LIMS1: variants seen among roughly 807,000 people sequenced by gnomAD.
LIMS1 encodes the protein LIM zinc finger domain containing 1, also known as LIM and senescent cell antigen-like-containing domain protein 1.
Under a neutral mutation model 44.1 loss-of-function variants are expected in LIMS1, and 18 were observed. That is an observed-to-expected ratio of 0.41 (90% CI 0.28 to 0.61). LIMS1 has a LOEUF of 0.61. Ranked by LOEUF, LIMS1 falls within the 20% of genes least tolerant of loss-of-function variation. The probability of loss-of-function intolerance (pLI) is 0.32; values close to 1 mark genes in which losing one functional copy is unlikely to be tolerated. For missense variants in LIMS1, 201 were observed against 422.0 expected (o/e 0.48, Z 4.59); for synonymous variants, 93 against 149.1 (o/e 0.62, Z 2.74).
intron 1 of LIMS1, among the ~76,000 whole-genome samples, chr2:108,551,138 A>G (rs1222028066): frequency 6.6e-6 from 1 of 151,978 alleles, no homozygotes; most frequent in Non-Finnish European, 1.5e-5. Flanking sequence ...AGAAACAAAA[A>G]CAAACTCACA....
chr2:108,572,143 G>C (rs998295486), intron 1 of LIMS1, among the ~76,000 whole-genome samples: 1 of 151,874 alleles, frequency 6.6e-6, no homozygotes, highest in Admixed American at 6.6e-5. Flanking sequence ...GAGGGACTGG[G>C]CTTTTTTTTT....
At chr2:108,634,464 C>T (rs1689101846) in intron 1 of LIMS1, among the ~76,000 whole-genome samples, 1 of 152,208 alleles carries the variant, frequency 6.6e-6, no homozygotes, top group Non-Finnish European at 1.5e-5. Flanking sequence ...TCAATCCCCT[C>T]AGAAAACAAA....
chr2:108,563,801 G>A (rs1478135838), intron 1 of LIMS1, among the ~76,000 whole-genome samples: 2 of 152,184 alleles, frequency 1.3e-5, no homozygotes, highest in East Asian at 3.8e-4. Flanking sequence ...GCTCATGCCT[G>A]TAAATCCAGC....
chr2:108,585,074 G>A (rs557442036), intron 1 of LIMS1, among the ~76,000 whole-genome samples: 4 of 147,566 alleles, frequency 2.7e-5, no homozygotes, highest in South Asian at 2.2e-4. Context: ...TGACTTGAAC[G>A]TAGGAAGTGG....
chr2:108,617,965 C>T (rs988575072), intron 1 of LIMS1, among the ~76,000 whole-genome samples: 8 of 152,198 alleles, frequency 5.3e-5, no homozygotes, highest in African/African-American at 1.7e-4. Flanking sequence ...ATGTCTTATT[C>T]CCAGTTTTTG....
intron 1 of LIMS1, among the ~76,000 whole-genome samples, chr2:108,602,231 A>G (rs1472233266): frequency 6.6e-6 from 1 of 152,224 alleles, no homozygotes. Context: ...ATATAAAATC[A>G]TATCATCTGC....
intron 1 of LIMS1, among the ~76,000 whole-genome samples, chr2:108,645,527 C>T (rs554855655): frequency 9.2e-5 from 14 of 152,236 alleles, no homozygotes; most frequent in African/African-American, 2.4e-4. Flanking sequence ...CGGTACGAGC[C>T]ACTGCAAAAA....
chr2:108,589,106 G>A (rs1686246585), intron 1 of LIMS1, among the ~76,000 whole-genome samples: 1 of 151,598 alleles, frequency 6.6e-6, no homozygotes, highest in Non-Finnish European at 1.5e-5. Flanking sequence ...GTGAACTTTT[G>A]TCCTGTCATG....
At chr2:108,570,776 G>A (rs892774536) in intron 1 of LIMS1, among the ~76,000 whole-genome samples, 15 of 152,246 alleles carry the variant, frequency 9.9e-5, no homozygotes, top group African/African-American at 7.2e-5. Context: ...TGTGAGCAGC[G>A]ACCTTGAGGA....
intron 2 of LIMS1, among the ~76,000 whole-genome samples, chr2:108,664,380 G>A (rs1194135884): frequency 1.3e-5 from 2 of 152,200 alleles, no homozygotes; most frequent in Non-Finnish European, 2.9e-5. Flanking sequence ...ACTTAAAACA[G>A]TTAGAGCCAT....
rs918843560 is a variant in LIMS1 at position 108,566,638 on chromosome 2, C to A, written c.32+32044C>A. The stretch of plus-strand genomic sequence containing the variant: ...TGAGATGGAGTTTCGCTCTTGTCAC[C>A]CAGGCTGGAGTGCAGTGGCATGATC... On this transcript the variant is annotated intron_variant, in intron 1 of 9. Transcript: ENST00000544547. Among the ~76,000 whole-genome samples the A allele has an allele frequency of 1.3e-4, 20 of 152,126 alleles. 1 individual carries two copies. The highest frequency in any genetic ancestry group is 4.6e-4 in the African/African-American group (19 of 41,498).
At chr2:108,552,585 G>GGGGGGTGTGT (rs896993452) in intron 1 of LIMS1, among the ~76,000 whole-genome samples, 1 of 101,872 alleles carries the variant, frequency 9.8e-6, no homozygotes, top group South Asian at 2.8e-4. Flanking sequence ...ATATATTTTG[G>GGGGGGTGTGT]GTGTGTGTGT....
intron 1 of LIMS1, among the ~76,000 whole-genome samples, chr2:108,587,914 G>A (rs1296038303): frequency 1.3e-5 from 2 of 152,022 alleles, no homozygotes; most frequent in East Asian, 3.9e-4. Context: ...CCTGCACCTT[G>A]CCACCGGAAG....
intron 1 of LIMS1, among the ~76,000 whole-genome samples, chr2:108,616,183 C>T (rs921205528): frequency 7.1e-6 from 1 of 141,148 alleles, no homozygotes; most frequent in African/African-American, 2.6e-5. Flanking sequence ...ATGACACAGG[C>T]AAGTTTGCAT....
At chr2:108,615,497 C>G (rs1323998668) in intron 1 of LIMS1, among the ~76,000 whole-genome samples, 2 of 152,028 alleles carry the variant, frequency 1.3e-5, no homozygotes, top group Admixed American at 6.5e-5. Context: ...GATCAGCATG[C>G]CTTTTTGTGG....
chr2:108,673,352 A>C, intron 5 of LIMS1: 1 of 396,478 alleles, frequency 2.5e-6, no homozygotes, highest in Non-Finnish European at 4.5e-6. Flanking sequence ...TGAGAATAAG[A>C]GCATTTTCCT....
intron 1 of LIMS1, among the ~76,000 whole-genome samples, chr2:108,657,202 A>G (rs1248419173): frequency 2.2e-5 from 3 of 137,916 alleles, no homozygotes; most frequent in African/African-American, 7.8e-5. Flanking sequence ...TGTAGTTGGA[A>G]AAGAGGACTT....
intron 1 of LIMS1, among the ~76,000 whole-genome samples, chr2:108,537,793 T>G (rs1158452402): frequency 2.0e-5 from 3 of 152,200 alleles, no homozygotes; most frequent in Non-Finnish European, 4.4e-5. Flanking sequence ...GTTCTTTCCT[T>G]TGCTAAATGT....
intron 1 of LIMS1, among the ~76,000 whole-genome samples, chr2:108,578,810 G>A (rs188278378): frequency 7.2e-5 from 11 of 152,082 alleles, no homozygotes; most frequent in African/African-American, 2.7e-4. Flanking sequence ...TAGCCAGGAT[G>A]GTCTCAATCT....
Sources: allele counts gnomAD v4.1 joint callset (sites outside exome capture counted in the v4.1 genomes callset), GRCh38; gene constraint gnomAD v4.1.1; transcripts MANE v1.5; gene names NCBI Gene and HGNC (gene_info 2026-07-23, HGNC 2026-07-21).